Variants in SCARA3 observed in about 807,000 individuals in gnomAD.
The protein encoded by SCARA3 is scavenger receptor class A member 3.
In SCARA3, 39 loss-of-function variants were observed where a neutral mutation model predicts 47.0. That is an observed-to-expected ratio of 0.83 (90% CI 0.64 to 1.08). The LOEUF is 1.08. SCARA3 is among the 50% of genes least tolerant of loss of function. SCARA3 has a pLI of 0.00. For missense variants in SCARA3, 724 were observed against 792.3 expected (o/e 0.91, Z 1.04); for synonymous variants, 356 against 334.1 (o/e 1.07, Z -0.71).
chr8:27,704,485 T>C, the SCARA3 span, among the ~76,000 whole-genome samples: 2 of 152,194 alleles, frequency 1.3e-5, no homozygotes, highest in Non-Finnish European at 2.9e-5. Flanking sequence ...AATTTAATTT[T>C]TTAAAATAGT....
chr8:27,672,258 G>T lies in SCARA3; in HGVS notation c.*907G>T. On this transcript the variant is annotated 3_prime_UTR_variant, in exon 6 of 6. Transcript: ENST00000301904. ...CCAGAAAATTCCTCAATTCATCCTT[G>T]CCTCTGCCCTTCAGGAGCAGCCTGG... 1.0e-6 allele frequency: 1 copy of T among 985,484 alleles called. No homozygotes were observed. The highest frequency in any genetic ancestry group is 1.2e-6 in the Non-Finnish European group (1 of 830,008). The allele number at this position is 985,484 out of a possible 1,614,324, so 61.0% of individuals were successfully genotyped here. A position where few individuals can be genotyped will look rare whatever the true frequency, so the allele number is the denominator to read the frequency against.
the SCARA3 span, among the ~76,000 whole-genome samples, chr8:27,707,273 C>T: frequency 1.3e-5 from 2 of 151,986 alleles, no homozygotes; most frequent in African/African-American, 4.8e-5. Context: ...GTTGAAGTCC[C>T]CCAAAGGAAT....
the SCARA3 span, among the ~76,000 whole-genome samples, chr8:27,729,596 G>A: frequency 6.6e-6 from 1 of 152,170 alleles, no homozygotes; most frequent in Admixed American, 6.5e-5. Flanking sequence ...TTCGAGACCA[G>A]CCTGGCCAAC....
At chr8:27,717,776 C>T in the SCARA3 span, among the ~76,000 whole-genome samples, 4 of 152,186 alleles carry the variant, frequency 2.6e-5, no homozygotes, top group South Asian at 2.1e-4. Flanking sequence ...CAGAGCGAGA[C>T]TCCATCTCAA....
rs1424765899 is a variant in SCARA3 at position 27,658,576 on chromosome 8, C to G, written c.406C>G (p.Leu136Val). ...AGAGATCCGAAAACTGCAGGAGGAG[C>G]TGGAGGGAATTCAGAAGCTGCTTCT... Reference protein sequence around the residue: ...GPEIRKLQEELEGIQKLLLAQ... With the variant: ...GPEIRKLQEEVEGIQKLLLAQ... The change falls in exon 5 of 6, where the codon CTG becomes GTG. Residue 136 changes from leucine (L) to valine (V), a missense_variant. Physicochemically the swap from Leu to Val is conservative, Grantham distance 32 (BLOSUM62 1). Transcript: ENST00000301904. 1 of 1,614,168 alleles carries G rather than the reference C, an allele frequency of 6.2e-7. No individual in the cohort carries two copies. The highest frequency in any genetic ancestry group is 1.7e-5 in the Admixed American group (1 of 60,026).
At chr8:27,710,512 C>G in the SCARA3 span, among the ~76,000 whole-genome samples, 1 of 152,082 alleles carries the variant, frequency 6.6e-6, no homozygotes, top group Admixed American at 6.6e-5. Flanking sequence ...AATTAAGTAC[C>G]GATTAAGTAC....
intron 5 of SCARA3, 61 bp downstream of exon 5, chr8:27,659,600 T>A: frequency 2.8e-6 from 4 of 1,441,394 alleles, no homozygotes; most frequent in Non-Finnish European, 2.8e-6. Context: ...GTGATCTTGC[T>A]GGACACAGAA....
Position 27,671,883 on chromosome 8 carries a change from G to A in SCARA3, c.*532G>A, listed in dbSNP as rs1802175612. 9 of 985,482 alleles carry A rather than the reference G, an allele frequency of 9.1e-6. No individual in the cohort carries two copies. Among genetic ancestry groups the A allele is most frequent in the Non-Finnish European group, 1.1e-5 (9 of 829,972 alleles). 61.0% of individuals were successfully genotyped at this position (985,482 alleles called of 1,614,324 possible). On this transcript the variant is annotated 3_prime_UTR_variant, in exon 6 of 6. Coordinates refer to ENST00000301904, the MANE Select transcript of SCARA3 (RefSeq NM_016240.3). ...CAACTGGGTTTCCCTGGCTGGGCAG[G>A]AGGAGAGGGCAGAGGAAGACCCCCT...
the SCARA3 span, among the ~76,000 whole-genome samples, chr8:27,690,359 G>A: frequency 2.0e-5 from 3 of 152,242 alleles, no homozygotes; most frequent in East Asian, 3.9e-4. Context: ...GCATCTTCAC[G>A]TCTTCTCTCT....
At chr8:27,701,308 A>G in the SCARA3 span, 1 of 152,178 alleles carries the variant, frequency 6.6e-6, no homozygotes, top group African/African-American at 2.4e-5. Context: ...GAAATAGGGA[A>G]GTTTCTGGGG....
chr8:27,639,597 C>T (rs566788477), intron 1 of SCARA3, among the ~76,000 whole-genome samples: 33 of 152,228 alleles, frequency 2.2e-4, no homozygotes, highest in African/African-American at 6.5e-4. Context: ...AAAGGACACG[C>T]GGTTGTGTCT....
At chr8:27,690,287 C>T in the SCARA3 span, among the ~76,000 whole-genome samples, 2 of 73,528 alleles carry the variant, frequency 2.7e-5, no homozygotes, top group South Asian at 7.9e-4. Flanking sequence ...GAGCAGCCAG[C>T]GCACATTTAA....
chr8:27,694,353 A>G, the SCARA3 span, among the ~76,000 whole-genome samples: 1 of 152,190 alleles, frequency 6.6e-6, no homozygotes, highest in Non-Finnish European at 1.5e-5. Context: ...ACTTCATTCT[A>G]CGGAAAATAT....
chr8:27,705,639 T>C, the SCARA3 span, among the ~76,000 whole-genome samples: 1 of 152,246 alleles, frequency 6.6e-6, no homozygotes. Context: ...GTTCAATAAG[T>C]ATTTACTTAG....
intron 1 of SCARA3, among the ~76,000 whole-genome samples, chr8:27,636,816 C>T (rs1046084314): frequency 1.3e-5 from 2 of 152,184 alleles, no homozygotes; most frequent in African/African-American, 2.4e-5. Flanking sequence ...CCCTGGCAGC[C>T]GGGAAGAGCC....
chr8:27,709,483 T>C, the SCARA3 span, among the ~76,000 whole-genome samples: 17 of 152,184 alleles, frequency 1.1e-4, no homozygotes, highest in African/African-American at 4.1e-4. Flanking sequence ...TTCTGGAGGC[T>C]CCAACCATGC....
At chr8:27,682,109 A>C in the SCARA3 span, among the ~76,000 whole-genome samples, 2 of 152,216 alleles carry the variant, frequency 1.3e-5, no homozygotes, top group South Asian at 2.1e-4. Flanking sequence ...ATGGAATAGA[A>C]CAGAGTCAGA....
rs759732102 is a variant in SCARA3 at position 27,659,246 on chromosome 8, C to A, written c.1076C>A (p.Thr359Asn). Residue 359 changes from threonine (T) to asparagine (N), a missense_variant, in exon 5 of 6, where the codon ACC becomes AAC. Coordinates refer to ENST00000301904, the MANE Select transcript of SCARA3 (RefSeq NM_016240.3). ...RMASHEIEIG[T>N]IFTNINATDN... is the part of the protein sequence containing the mutation. ...GCTTCTCACGAGATTGAAATTGGCA[C>A]CATCTTCACCAACATCAATGCCACC... 2 of 1,614,216 alleles carry A rather than the reference C, an allele frequency of 1.2e-6. No individual in the cohort carries two copies. The highest frequency in any genetic ancestry group is 3.3e-5 in the Admixed American group (2 of 60,034).
chr8:27,729,436 C>T, the SCARA3 span, among the ~76,000 whole-genome samples: 1 of 152,182 alleles, frequency 6.6e-6, no homozygotes, highest in Non-Finnish European at 1.5e-5. Context: ...CTCTATTCCT[C>T]ATCTCCCAGT....
Sources: allele counts gnomAD v4.1 joint callset (sites outside exome capture counted in the v4.1 genomes callset), GRCh38; gene constraint gnomAD v4.1.1; transcripts MANE v1.5; gene names NCBI Gene and HGNC (gene_info 2026-07-23, HGNC 2026-07-21).